Variants in EYS observed in about 807,000 individuals in gnomAD.
EYS encodes the protein protein eyes shut homolog.
Under a neutral mutation model 282.1 loss-of-function variants are expected in EYS, and 250 were observed. That is an observed-to-expected ratio of 0.89 (90% confidence interval 0.80 to 0.98). The LOEUF (loss-of-function observed/expected upper bound fraction) is 0.98. Ranked by LOEUF, EYS falls within the 50% of genes least tolerant of loss-of-function variation. The pLI is 0.00. For synonymous variants in EYS, 1,355 were observed against 1,282.9 expected, an observed-to-expected ratio of 1.06 and a Z score of -1.20; for missense variants, 4,016 against 3,709.0, an observed-to-expected ratio of 1.08 and a Z score of -2.15.
At chr6:64,879,483 GA>G (rs1173244400) in intron 19 of EYS, among the ~76,000 whole-genome samples, 1 of 151,754 alleles carries the variant, frequency 6.6e-6, no homozygotes, top group Non-Finnish European at 1.5e-5. Flanking sequence ...GGCAAGGCAG[GA>G]AAAAAACATA....
rs561507632 is a variant in EYS, at chr6:64,180,477, G to A, written c.6424+50115C>T. On this transcript the variant is annotated intron_variant, in intron 31 of 42. Transcript: ENST00000503581. ...TGTGGATGTGCAGGTTTGTTACATGGGTAAACTGCATATCACTGAGGTTTG... is the reference window on the plus strand; with the variant it reads ...TGTGGATGTGCAGGTTTGTTACATGAGTAAACTGCATATCACTGAGGTTTG... Among the ~76,000 whole-genome samples the A allele has an allele frequency of 2.0e-4, 30 of 152,016 alleles. 1 individual carries two copies. The East Asian group carries it at 5.2e-3, about 27-fold the overall frequency.
chr6:64,170,815 T>C (rs1467698067), intron 31 of EYS, among the ~76,000 whole-genome samples: 1 of 152,100 alleles, frequency 6.6e-6, no homozygotes, highest in Non-Finnish European at 1.5e-5. Flanking sequence ...ATCTCATTTT[T>C]ATGTAGCATT....
At chr6:64,296,413 A>G (rs1439143764) in intron 30 of EYS, among the ~76,000 whole-genome samples, 1 of 151,984 alleles carries the variant, frequency 6.6e-6, no homozygotes, top group Non-Finnish European at 1.5e-5. Flanking sequence ...TTCATAAAAC[A>G]TGCTATGCTA....
chr6:64,410,855 G>T (rs557167419), intron 28 of EYS, among the ~76,000 whole-genome samples: 1 of 152,168 alleles, frequency 6.6e-6, no homozygotes, highest in South Asian at 2.1e-4. Context: ...CACTGTTAAA[G>T]GACACTTTCT....
Position 65,031,174 on chromosome 6 carries a change from T to TACAC in EYS, c.2137+26436_2137+26439dup, listed in dbSNP as rs3033917. Among the ~76,000 whole-genome samples, 209 of 146,628 alleles carry TACAC rather than the reference T, an allele frequency of 1.4e-3. 3 individuals are homozygous for TACAC. Among genetic ancestry groups the TACAC allele is most frequent in the Middle Eastern group, 3.6e-3 (1 of 276 alleles). ...ATATATATATACACACACACGCACA[T>TACAC]ACACACACACACACACATATACACA... On this transcript the variant is annotated intron_variant, in intron 13 of 42. Transcript: ENST00000503581.
intron 35 of EYS, among the ~76,000 whole-genome samples, chr6:63,899,700 G>A (rs904012189): frequency 1.8e-4 from 28 of 152,094 alleles, no homozygotes; most frequent in African/African-American, 6.5e-4. Context: ...CTTTCTCATA[G>A]CACTGAGCAC....
At chr6:64,296,593 TATA>T (rs1769030458) in intron 30 of EYS, among the ~76,000 whole-genome samples, 2 of 4,636 alleles carry the variant, frequency 4.3e-4, no homozygotes, top group African/African-American at 1.5e-3. Context: ...TACATATATA[TATA>T]TATTTTTTTT....
At chr6:65,432,038 A>G (rs536882289) in intron 5 of EYS, among the ~76,000 whole-genome samples, 15 of 152,286 alleles carry the variant, frequency 9.8e-5, no homozygotes, top group African/African-American at 3.6e-4. Context: ...AAAATATCCA[A>G]TAATAATGGC....
In EYS at chr6:64,345,767, C is replaced by A. The variant is rs1302477906; in HGVS notation, c.6079-38685G>T. On this transcript the variant is annotated intron_variant, in intron 29 of 42. Coordinates refer to ENST00000503581, the MANE Select transcript of EYS (RefSeq NM_001142800.2). ...ACTACCATCAGAGTGAACAGGCAAC[C>A]TACAGAATGGGAGAAAATTTTCGCA... Among the ~76,000 whole-genome samples the A allele has an allele frequency of 2.0e-5, 3 of 151,970 alleles. No individual in the cohort carries two copies. The South Asian group carries it at 6.2e-4, about 31-fold the overall frequency.
intron 29 of EYS, among the ~76,000 whole-genome samples, chr6:64,380,722 A>C (rs186084117): frequency 6.6e-6 from 1 of 152,324 alleles, no homozygotes. Flanking sequence ...GGCACTTTAA[A>C]AAATAAAGAT....
chr6:64,492,694 C>A (rs1261799582), intron 26 of EYS, among the ~76,000 whole-genome samples: 1 of 151,174 alleles, frequency 6.6e-6, no homozygotes, highest in East Asian at 1.9e-4. Context: ...CTTCGGAGAT[C>A]TACAGCTGGA....
chr6:65,181,913 A>T (rs540762687), intron 12 of EYS, among the ~76,000 whole-genome samples: 29 of 152,232 alleles, frequency 1.9e-4, no homozygotes, highest in African/African-American at 6.3e-4. Context: ...TTGTAGGGAC[A>T]TGGATGAAGC....
intron 4 of EYS, chr6:65,491,452 T>C (rs555508877): frequency 2.5e-4 from 80 of 324,354 alleles, no homozygotes; most frequent in African/African-American, 1.6e-3. Context: ...TATGTTTTTT[T>C]CCCCAGTTTA....
chr6:64,031,178 C>T (rs961715307), intron 33 of EYS, among the ~76,000 whole-genome samples: 13 of 152,056 alleles, frequency 8.5e-5, no homozygotes, highest in Non-Finnish European at 8.8e-5. Flanking sequence ...GGGCGGGAAC[C>T]GGGGCTGCAC....
intron 30 of EYS, among the ~76,000 whole-genome samples, chr6:64,265,678 G>A (rs1767734719): frequency 6.6e-6 from 1 of 152,152 alleles, no homozygotes; most frequent in South Asian, 2.1e-4. Context: ...AGTCACATCT[G>A]AGTACTTCTC....
intron 40 of EYS, among the ~76,000 whole-genome samples, chr6:63,776,482 A>G (rs1770068075): frequency 6.6e-6 from 1 of 152,086 alleles, no homozygotes; most frequent in Admixed American, 6.6e-5. Flanking sequence ...CCCCTATAAT[A>G]TTGGAATTAG....
intron 15 of EYS, among the ~76,000 whole-genome samples, chr6:64,915,176 C>G (rs1388968492): frequency 6.6e-6 from 1 of 151,992 alleles, no homozygotes; most frequent in Non-Finnish European, 1.5e-5. Context: ...CAAAACAAAA[C>G]AAACAACTAT....
rs78046792 is a variant in EYS at position 65,158,818 on chromosome 6, C to T, written c.2024-101091G>A. ...TTTATTTCAGCACAAAAGATATACA[C>T]CCATAGATAATGCAACACTTTCTGC... On this transcript the variant is annotated intron_variant, in intron 12 of 42. Transcript: ENST00000503581. Among the ~76,000 whole-genome samples the T allele has an allele frequency of 3.1e-4, 47 of 150,954 alleles. No homozygotes were observed. The East Asian group carries it at 6.1e-3, about 19-fold the overall frequency.
intron 12 of EYS, among the ~76,000 whole-genome samples, chr6:65,091,690 G>A (rs1401355101): frequency 1.3e-5 from 2 of 152,108 alleles, no homozygotes; most frequent in African/African-American, 4.8e-5. Context: ...GGGAATGGCT[G>A]TGGCTTCTGT....
Sources: allele counts gnomAD v4.1 joint callset (sites outside exome capture counted in the v4.1 genomes callset), GRCh38; gene constraint gnomAD v4.1.1; transcripts MANE v1.5; gene names NCBI Gene and HGNC (gene_info 2026-07-23, HGNC 2026-07-21).